GRID2: variants seen among roughly 807,000 people sequenced by gnomAD.
The protein encoded by GRID2 is glutamate ionotropic receptor delta type subunit 2.
A neutral mutation model predicts 114.8 loss-of-function variants in GRID2; 33 were observed. That is an observed-to-expected ratio of 0.29 (90% confidence interval 0.22 to 0.38). GRID2 has a LOEUF of 0.38. GRID2 is among the 10% of genes least tolerant of loss of function. The pLI is 1.00. For missense variants in GRID2, 1,184 were observed against 1,257.7 expected, an observed-to-expected ratio of 0.94 and a Z score of 0.89; for synonymous variants, 505 against 449.9, an observed-to-expected ratio of 1.12 and a Z score of -1.55.
At chr4:92,883,969 T>C (rs991795754) in intron 2 of GRID2, among the ~76,000 whole-genome samples, 2 of 152,198 alleles carry the variant, frequency 1.3e-5, no homozygotes. Flanking sequence ...ACCTCTTCTT[T>C]GCAAGTTTGA....
At chr4:92,816,072 T>C (rs1740889515) in intron 2 of GRID2, among the ~76,000 whole-genome samples, 1 of 151,470 alleles carries the variant, frequency 6.6e-6, no homozygotes, top group African/African-American at 2.4e-5. Context: ...TCCCAGCACT[T>C]TGGGAGGCCA....
intron 1 of GRID2, among the ~76,000 whole-genome samples, chr4:93,780,327 T>C (rs969936727): frequency 7.2e-5 from 11 of 152,164 alleles, no homozygotes; most frequent in African/African-American, 2.4e-4. Context: ...ACAAAGGCTC[T>C]GAGGTGAGAA....
chr4:93,718,049 A>T (rs111510445), intron 14 of GRID2, among the ~76,000 whole-genome samples: 6,413 of 152,226 alleles, frequency 0.042, 220 homozygotes, highest in African/African-American at 0.085. Context: ...AGGTCAGGAG[A>T]TCGAGACCAT....
At chr4:92,932,232 A>G (rs946665463) in intron 2 of GRID2, among the ~76,000 whole-genome samples, 7 of 151,486 alleles carry the variant, frequency 4.6e-5, no homozygotes, top group Non-Finnish European at 1.0e-4. Context: ...AAAACAACAC[A>G]TTAAAAAATG....
chr4:92,612,685 G>C (rs937482410), intron 2 of GRID2, among the ~76,000 whole-genome samples: 2 of 151,158 alleles, frequency 1.3e-5, no homozygotes, highest in Non-Finnish European at 3.0e-5. Flanking sequence ...GGTTATCTTA[G>C]GATTTTATTC....
chr4:92,986,745 G>A (rs527273685), intron 2 of GRID2, among the ~76,000 whole-genome samples: 1 of 151,952 alleles, frequency 6.6e-6, no homozygotes, highest in Non-Finnish European at 1.5e-5. Flanking sequence ...AACAGAACAG[G>A]ACTAAATATT....
intron 2 of GRID2, among the ~76,000 whole-genome samples, chr4:92,943,410 G>C (rs1751336810): frequency 1.3e-5 from 2 of 152,092 alleles, no homozygotes; most frequent in African/African-American, 4.8e-5. Flanking sequence ...TAGTTCTCAT[G>C]CCATGGTTTT....
At chr4:92,473,698 C>T (rs1040506372) in intron 1 of GRID2, among the ~76,000 whole-genome samples, 6 of 151,914 alleles carry the variant, frequency 3.9e-5, no homozygotes, top group Admixed American at 2.0e-4. Context: ...TTAGCTATCG[C>T]GTTCTAAAAC....
intron 13 of GRID2, among the ~76,000 whole-genome samples, chr4:93,588,500 T>C (rs1421284302): frequency 6.6e-6 from 1 of 152,186 alleles, no homozygotes; most frequent in Non-Finnish European, 1.5e-5. Flanking sequence ...TACATCCTTT[T>C]ACTTTGCAGT....
chr4:92,919,621 T>C (rs1366858059), intron 2 of GRID2, among the ~76,000 whole-genome samples: 8 of 152,198 alleles, frequency 5.3e-5, no homozygotes, highest in Non-Finnish European at 1.0e-4. Flanking sequence ...CCAGTAGTCA[T>C]TCAGGAGCAG....
chr4:93,744,117 G>T (rs1229699555), intron 14 of GRID2, among the ~76,000 whole-genome samples: 3 of 152,142 alleles, frequency 2.0e-5, no homozygotes, highest in Admixed American at 2.0e-4. Flanking sequence ...CAGAAAACAA[G>T]ATTCCTTTCA....
At position 93,522,091 on chromosome 4, in the gene GRID2, G is replaced by A. The variant is rs549080621; in HGVS notation, c.2193+6680G>A. Reference sequence around the variant, plus strand: ...AGAACTTTCTTTGATTAGGAGATAAGTTATGGCATCTTAGTGCACAGGTAG... The same window carrying A: ...AGAACTTTCTTTGATTAGGAGATAAATTATGGCATCTTAGTGCACAGGTAG... On this transcript the variant is annotated intron_variant, in intron 13 of 15. Transcript: ENST00000282020. Among the ~76,000 whole-genome samples the A allele has an allele frequency of 3.3e-5, 5 of 152,280 alleles. 1 individual carries two copies. The highest frequency in any genetic ancestry group is 1.2e-4 in the African/African-American group (5 of 41,572).
At chr4:93,548,641 C>T (rs1479747587) in intron 13 of GRID2, among the ~76,000 whole-genome samples, 1 of 152,086 alleles carries the variant, frequency 6.6e-6, no homozygotes, top group Non-Finnish European at 1.5e-5. Flanking sequence ...AGTCTGTACA[C>T]TTATATACCA....
chr4:93,168,422 G>T (rs1738468910), intron 4 of GRID2, among the ~76,000 whole-genome samples: 1 of 152,060 alleles, frequency 6.6e-6, no homozygotes, highest in South Asian at 2.1e-4. Flanking sequence ...CTTACTTCAA[G>T]AAAGCAGCTC....
chr4:93,103,293 G>A lies in GRID2; in HGVS notation c.530-7455G>A, dbSNP rs1055880286. Reference sequence around the variant, plus strand: ...GGCTCTTTCTTGTTCCCTTCCCTTGGGGCACAGTGTTATTCCCGAGAGCAG... The same window carrying A: ...GGCTCTTTCTTGTTCCCTTCCCTTGAGGCACAGTGTTATTCCCGAGAGCAG... On this transcript the variant is annotated intron_variant, in intron 3 of 15. Transcript: ENST00000282020. Among the ~76,000 whole-genome samples the A allele has an allele frequency of 3.9e-5, 6 of 152,026 alleles. No homozygotes were observed. In the South Asian group the frequency reaches 1.2e-3, roughly 32 times the overall value.
intron 3 of GRID2, among the ~76,000 whole-genome samples, chr4:93,098,831 T>A (rs1731448679): frequency 6.6e-6 from 1 of 151,940 alleles, no homozygotes; most frequent in Non-Finnish European, 1.5e-5. Context: ...ATTATGATAA[T>A]GATGCAGGTA....
intron 1 of GRID2, among the ~76,000 whole-genome samples, chr4:92,473,004 A>T (rs916313616): frequency 6.6e-6 from 1 of 151,916 alleles, no homozygotes; most frequent in Non-Finnish European, 1.5e-5. Context: ...GATTTTTTCT[A>T]TGCTTATTTC....
At chr4:93,187,251 TC>T (rs1740511871) in intron 4 of GRID2, among the ~76,000 whole-genome samples, 1 of 152,150 alleles carries the variant, frequency 6.6e-6, no homozygotes, top group South Asian at 2.1e-4. Context: ...ATATATTTAT[TC>T]CAGACGAATA....
At chr4:93,088,378 A>G (rs1041025829) in intron 3 of GRID2, among the ~76,000 whole-genome samples, 3 of 152,288 alleles carry the variant, frequency 2.0e-5, no homozygotes, top group Admixed American at 2.0e-4. Context: ...TGCAATGCAA[A>G]CTATGAGATA....
Sources: allele counts gnomAD v4.1 joint callset (sites outside exome capture counted in the v4.1 genomes callset), GRCh38; gene constraint gnomAD v4.1.1; transcripts MANE v1.5; gene names NCBI Gene and HGNC (gene_info 2026-07-23, HGNC 2026-07-21).